The following CCDC28A variants were observed in gnomAD, a reference collection of about 807,000 sequenced individuals.
CCDC28A encodes the protein coiled-coil domain-containing protein 28A.
CCDC28A carries 24 observed loss-of-function variants against 22.1 expected under a neutral mutation model. The observed-to-expected ratio is 1.09, with a 90% confidence interval of 0.79 to 1.53. The LOEUF (loss-of-function observed/expected upper bound fraction) is 1.53. Among genes scored for constraint, CCDC28A ranks in the 40% most tolerant of loss-of-function variants. The pLI, the probability that CCDC28A is intolerant of heterozygous loss-of-function variation, is 0.00. For missense variants in CCDC28A, 170 were observed against 210.7 expected (o/e 0.81, Z 1.20); for synonymous variants, 83 against 74.7 (o/e 1.11, Z -0.57).
intron 4 of CCDC28A, among the ~76,000 whole-genome samples, chr6:138,787,303 G>T (rs1368020864): frequency 1.3e-5 from 2 of 152,132 alleles, no homozygotes; most frequent in Admixed American, 1.3e-4. Context: ...CTTCTACCAT[G>T]TGAGGACATG....
Position 138,779,859 on chromosome 6 carries a change from G to A in CCDC28A, c.196G>A (p.Gly66Ser). 1 of 1,613,760 alleles carries A rather than the reference G, an allele frequency of 6.2e-7. No homozygotes were observed. The highest frequency in any genetic ancestry group is 1.1e-5 in the South Asian group (1 of 91,060). ...AAAGACCAAACCTCAGGGTGGAGAG[G>A]GCAAAGGCGCTCAGTCAACTCCGAT... ...KEKTKPQGGEGKGAQSTPIQH... is the reference protein window; with the variant it reads ...KEKTKPQGGESKGAQSTPIQH... The change falls in exon 3 of 6, where the codon GGC becomes AGC. Residue 66 changes from glycine to serine, a missense_variant. Gly to Ser is a moderately conservative substitution (Grantham distance 56). Coordinates refer to ENST00000617445, the MANE Select transcript of CCDC28A (RefSeq NM_015439.3).
At chr6:138,791,920 T>C (rs566592225) in intron 5 of CCDC28A, among the ~76,000 whole-genome samples, 28 of 152,298 alleles carry the variant, frequency 1.8e-4, no homozygotes, top group South Asian at 4.1e-4. Flanking sequence ...ATTCATATCA[T>C]TGAATTGGGT....
chr6:138,784,383 C>T (rs1775063112), intron 3 of CCDC28A, among the ~76,000 whole-genome samples: 1 of 146,140 alleles, frequency 6.8e-6, no homozygotes, highest in African/African-American at 2.6e-5. Context: ...CAAGGTCTCA[C>T]TCTGTCACCT....
chr6:138,780,134 C>A, intron 3 of CCDC28A, 149 bp downstream of exon 3: 1 of 591,898 alleles, frequency 1.7e-6, no homozygotes, highest in Non-Finnish European at 2.6e-6. Context: ...TAGATTTTGT[C>A]TTAGAATATA....
chr6:138,773,780 G>T lies in CCDC28A; in HGVS notation c.-165G>T, dbSNP rs34991012. ...CTTACGTCACTTCCGTAAACAAACG[G>T]AGCTGCGGAGGAGCGGGTCCCGGGA... On this transcript the variant is annotated 5_prime_UTR_variant, in exon 1 of 6. Transcript: ENST00000617445. 4.4e-4 allele frequency: 709 copies of T among 1,613,436 alleles called. 2 individuals carry two copies. The African/African-American group carries it at 8.5e-3, about 19-fold the overall frequency.
In CCDC28A at chr6:138,776,358, T is replaced by C. The variant is rs941018304; in HGVS notation, c.158+80T>C. 4.2e-6 allele frequency: 5 copies of C among 1,197,252 alleles called. No individual in the cohort carries two copies. The African/African-American group carries it at 7.6e-5, about 18-fold the overall frequency. 74.2% of individuals were successfully genotyped at this position (1,197,252 alleles called of 1,614,324 possible). A position where few individuals can be genotyped will look rare whatever the true frequency, so the allele number is the denominator to read the frequency against. On this transcript the variant is annotated intron_variant, in intron 2 of 5. Coordinates refer to ENST00000617445, the MANE Select transcript of CCDC28A (RefSeq NM_015439.3). ...ACTCAACTTCTTCTTAAACACTTTT[T>C]TAGTCTTGGCTTGACTTTTAAAACA...
At chr6:138,775,484 A>T (rs1403648298) in intron 1 of CCDC28A, among the ~76,000 whole-genome samples, 1 of 152,238 alleles carries the variant, frequency 6.6e-6, no homozygotes, top group Non-Finnish European at 1.5e-5. Flanking sequence ...CTAGAACTTC[A>T]CTTATCACCA....
chr6:138,783,579 A>G (rs1286576850), intron 3 of CCDC28A, among the ~76,000 whole-genome samples: 2 of 151,756 alleles, frequency 1.3e-5, no homozygotes, highest in East Asian at 1.9e-4. Context: ...CTGGGACTAC[A>G]GGCGCCCACC....
At chr6:138,785,429 C>A in intron 4 of CCDC28A, 48 bp downstream of exon 4, 12 of 1,391,676 alleles carry the variant, frequency 8.6e-6, no homozygotes, top group South Asian at 8.6e-5. Flanking sequence ...ATTTTTGTTG[C>A]GAAAAAATGT....
At chr6:138,779,525 C>G (rs563972589) in intron 2 of CCDC28A, among the ~76,000 whole-genome samples, 8 of 152,234 alleles carry the variant, frequency 5.3e-5, no homozygotes, top group African/African-American at 1.9e-4. Context: ...AAATGTAAAG[C>G]ATAGGATAAT....
At position 138,773,832 on chromosome 6, in the gene CCDC28A, C is replaced by A. The variant is rs752013826; in HGVS notation, c.-113C>A. 6.2e-7 allele frequency: 1 copy of A among 1,613,774 alleles called. No homozygotes were observed. The highest frequency in any genetic ancestry group is 1.7e-5 in the Admixed American group (1 of 59,992). ...GTGACCGGGGCTCTGCTTGTGGCTGCGGCGGTGGCTTCTGAGGCTGTCGGG... is the reference window on the plus strand; with the variant it reads ...GTGACCGGGGCTCTGCTTGTGGCTGAGGCGGTGGCTTCTGAGGCTGTCGGG... On this transcript the variant is annotated 5_prime_UTR_variant, in exon 1 of 6. Coordinates refer to ENST00000617445, the MANE Select transcript of CCDC28A (RefSeq NM_015439.3).
chr6:138,788,276 G>T, intron 4 of CCDC28A, 90 bp from the exon 5 acceptor site: 1 of 505,968 alleles, frequency 2.0e-6, no homozygotes. Flanking sequence ...AAGCTTAAAT[G>T]AAAAATAATT....
chr6:138,773,880 G>A lies in CCDC28A; in HGVS notation c.-65G>A, dbSNP rs367936512. ...GGGTCTTTGCGGGTTGCGGAAGGGGGCCCCAATACCCTTCTTCTTCAGGTA... is the reference window on the plus strand; with the variant it reads ...GGGTCTTTGCGGGTTGCGGAAGGGGACCCCAATACCCTTCTTCTTCAGGTA... On this transcript the variant is annotated 5_prime_UTR_variant, in exon 1 of 6. Transcript: ENST00000617445. 2.5e-6 allele frequency: 4 copies of A among 1,613,602 alleles called. No individual in the cohort carries two copies. Among genetic ancestry groups the A allele is most frequent in the African/African-American group, 1.3e-5 (1 of 74,908 alleles).
At chr6:138,788,717 C>G (rs1246897016) in intron 5 of CCDC28A, among the ~76,000 whole-genome samples, 1 of 151,974 alleles carries the variant, frequency 6.6e-6, no homozygotes, top group Non-Finnish European at 1.5e-5. Flanking sequence ...GCTGGGATTA[C>G]AGGCGTGAGA....
chr6:138,787,480 C>A (rs1298174363), intron 4 of CCDC28A, among the ~76,000 whole-genome samples: 1 of 152,118 alleles, frequency 6.6e-6, no homozygotes, highest in East Asian at 1.9e-4. Flanking sequence ...GCAGCCCAAA[C>A]AGACTAAGAC....
chr6:138,779,681 G>C (rs1320176556), intron 2 of CCDC28A, 141 bp from the exon 3 acceptor site: 1 of 490,648 alleles, frequency 2.0e-6, no homozygotes, highest in Non-Finnish European at 3.4e-6. Flanking sequence ...TTGGTTTCTG[G>C]CTTGGAGTTT....
chr6:138,774,605 G>C (rs563706600), intron 1 of CCDC28A, among the ~76,000 whole-genome samples: 1 of 152,358 alleles, frequency 6.6e-6, no homozygotes, highest in South Asian at 2.1e-4. Context: ...CAGTATTGTA[G>C]CTCCAGTTGT....
intron 4 of CCDC28A, among the ~76,000 whole-genome samples, chr6:138,788,143 T>C (rs1775120654): frequency 6.6e-6 from 1 of 151,750 alleles, no homozygotes; most frequent in South Asian, 2.1e-4. Flanking sequence ...TTATTTTTTG[T>C]AGAGAGGAGG....
chr6:138,786,517 T>C (rs1002019705), intron 4 of CCDC28A, among the ~76,000 whole-genome samples: 1 of 152,234 alleles, frequency 6.6e-6, no homozygotes, highest in Non-Finnish European at 1.5e-5. Context: ...TAAGTAAATG[T>C]GAGGGAACTT....
Sources: allele counts gnomAD v4.1 joint callset (sites outside exome capture counted in the v4.1 genomes callset), GRCh38; gene constraint gnomAD v4.1.1; transcripts MANE v1.5; gene names NCBI Gene and HGNC (gene_info 2026-07-23, HGNC 2026-07-21).